The following SMAD4 variants were observed in gnomAD, a reference collection of about 807,000 sequenced individuals.
SMAD4 encodes SMAD family member 4, also known as MAD homolog 4.
A neutral mutation model predicts 63.2 loss-of-function variants in SMAD4; 7 were observed. That is an observed-to-expected ratio of 0.11 (90% CI 0.06 to 0.21). The LOEUF is 0.21. Among genes scored for constraint, SMAD4 ranks in the 10% least tolerant of loss-of-function variants. The probability of loss-of-function intolerance (pLI) is 1.00; values close to 1 mark genes in which losing one functional copy is unlikely to be tolerated. For missense variants in SMAD4, 312 were observed against 693.8 expected, an observed-to-expected ratio of 0.45 and a Z score of 6.18; for synonymous variants, 215 against 235.4, an observed-to-expected ratio of 0.91 and a Z score of 0.79.
In SMAD4 at chr18:51,084,775, G is replaced by A. The variant is rs1342578228; in HGVS notation, c.*6308G>A. The A allele has an allele frequency of 2.6e-5, 6 of 231,552 alleles. No individual in the cohort carries two copies. The highest frequency in any genetic ancestry group is 1.1e-4 in the Admixed American group (2 of 17,726). 14.3% of individuals were successfully genotyped at this position (231,552 alleles called of 1,614,324 possible). A position where few individuals can be genotyped will look rare whatever the true frequency, so the allele number is the denominator to read the frequency against. Reference sequence around the variant, plus strand: ...GCAGAGCCCAGTTTAGAAGAAGTGAGTTGGGGGTTGGGGACAGATTTGGTG... The same window carrying A: ...GCAGAGCCCAGTTTAGAAGAAGTGAATTGGGGGTTGGGGACAGATTTGGTG... On this transcript the variant is annotated 3_prime_UTR_variant, in exon 12 of 12. Transcript: ENST00000342988.
intron 10 of SMAD4, among the ~76,000 whole-genome samples, chr18:51,067,887 C>T (rs1014582639): frequency 2.0e-5 from 3 of 152,132 alleles, no homozygotes; most frequent in African/African-American, 7.2e-5. Context: ...AATTAAGAAC[C>T]TGATAAGCCT....
intron 10 of SMAD4, among the ~76,000 whole-genome samples, chr18:51,076,379 C>T (rs541362923): frequency 2.4e-4 from 36 of 152,228 alleles, no homozygotes; most frequent in Middle Eastern, 3.4e-3. Flanking sequence ...TGACCCACTT[C>T]GAACTAGATA....
chr18:51,038,261 G>T (rs965790518), intron 1 of SMAD4, among the ~76,000 whole-genome samples: 6 of 147,838 alleles, frequency 4.1e-5, no homozygotes, highest in Non-Finnish European at 9.0e-5. Context: ...TGGGGGGGGG[G>T]GCAGTATGAG....
At chr18:51,046,200 G>A (rs564134854) in intron 1 of SMAD4, among the ~76,000 whole-genome samples, 7 of 152,114 alleles carry the variant, frequency 4.6e-5, no homozygotes, top group Non-Finnish European at 1.0e-4. Context: ...GTTTTCCAAA[G>A]TACCTGTGCC....
intron 9 of SMAD4, 27 bp downstream of exon 9, chr18:51,065,633 CT>C (rs1217134474): frequency 6.3e-7 from 1 of 1,597,652 alleles, no homozygotes; most frequent in East Asian, 2.2e-5. Context: ...CAGATAGTTA[CT>C]TTAAAAAATT....
At chr18:51,039,399 C>G (rs972538736) in intron 1 of SMAD4, among the ~76,000 whole-genome samples, 5 of 152,138 alleles carry the variant, frequency 3.3e-5, no homozygotes, top group African/African-American at 1.2e-4. Flanking sequence ...CACCAGGACT[C>G]TTGACTTTGC....
intron 10 of SMAD4, 150 bp from the exon 11 acceptor site, chr18:51,076,488 C>G: frequency 1.5e-6 from 1 of 684,856 alleles, no homozygotes; most frequent in South Asian, 2.0e-5. Context: ...TTAGACCAAT[C>G]ACAATGTACA....
intron 1 of SMAD4, among the ~76,000 whole-genome samples, chr18:51,041,883 G>A (rs776694805): frequency 3.9e-5 from 6 of 152,168 alleles, no homozygotes; most frequent in Non-Finnish European, 8.8e-5. Flanking sequence ...GCATAGACTA[G>A]CCAATCCTGA....
intron 11 of SMAD4, chr18:51,077,243 T>C (rs1409410346): frequency 9.7e-6 from 2 of 206,702 alleles, no homozygotes; most frequent in Non-Finnish European, 1.7e-5. Context: ...GACTTTTTTT[T>C]AATTTTAGGG....
chr18:51,053,260 A>G (rs1484784585), intron 4 of SMAD4: 1 of 144,610 alleles, frequency 6.9e-6, no homozygotes, highest in East Asian at 1.9e-4. Context: ...TCATTATAAC[A>G]ACAAAAAAAA....
rs1555687622 is a variant in SMAD4, at chr18:51,078,468, G to C, written c.*1G>C. The C allele has an allele frequency of 1.2e-6, 2 of 1,611,490 alleles. No homozygotes were observed. The highest frequency in any genetic ancestry group is 1.7e-6 in the Non-Finnish European group (2 of 1,177,888). On this transcript the variant is annotated 3_prime_UTR_variant, in exon 12 of 12. Transcript: ENST00000342988. ...TGCAGACCCACAACCTTTAGACTGA[G>C]GTCTTTTACCGTTGGGGCCCTTAAC... is the stretch of plus-strand genomic sequence containing the variant.
chr18:51,047,334 G>A (rs1599181351), intron 2 of SMAD4, 39 bp downstream of exon 2: 1 of 1,600,086 alleles, frequency 6.2e-7, no homozygotes. Flanking sequence ...CTCTATGGTG[G>A]CAGATTTAAA....
rs781519690 is a variant in SMAD4, at chr18:51,058,446, C to T, written c.894C>T (p.Pro298=). The change falls in exon 7 of 12, where the codon CCC becomes CCT. Residue 298 remains proline, a synonymous_variant. Transcript: ENST00000342988. ...ACCACCCGCCTATGCCGCCCCATCC[C>T]GGACATTACTGTAAGCTCTTGTTTT... ...LQHHPPMPPH[P]GHYWPVHNEL... 9.9e-6 allele frequency: 16 copies of T among 1,611,542 alleles called. No individual in the cohort carries two copies. The highest frequency in any genetic ancestry group is 6.7e-5 in the East Asian group (3 of 44,868).
In SMAD4 at chr18:51,058,326, G is replaced by A. The variant is rs769943457; in HGVS notation, c.788-14G>A. 2 of 1,610,544 alleles carry A rather than the reference G, an allele frequency of 1.2e-6. No homozygotes were observed. Among genetic ancestry groups the A allele is most frequent in the Non-Finnish European group, 1.7e-6 (2 of 1,177,638 alleles). On this transcript the variant is annotated splice_polypyrimidine_tract_variant and intron_variant, in intron 6 of 11. Coordinates refer to ENST00000342988, the MANE Select transcript of SMAD4 (RefSeq NM_005359.6). ...TATAAAAGCAAATTAACCCATGTGG[G>A]CCTTAATTTTTAGACAGCACTACCA...
intron 11 of SMAD4, 87 bp downstream of exon 11, chr18:51,076,863 T>A: frequency 9.4e-7 from 1 of 1,060,842 alleles, no homozygotes; most frequent in Non-Finnish European, 1.3e-6. Flanking sequence ...CTTTGAGCAG[T>A]AATAGAAATT....
intron 4 of SMAD4, among the ~76,000 whole-genome samples, chr18:51,051,748 C>A (rs1414164003): frequency 6.6e-6 from 1 of 152,068 alleles, no homozygotes; most frequent in Non-Finnish European, 1.5e-5. Flanking sequence ...AAGGTGGGCC[C>A]AGTGGTTTCA....
At chr18:51,058,903 A>G (rs977670459) in intron 7 of SMAD4, among the ~76,000 whole-genome samples, 1 of 152,216 alleles carries the variant, frequency 6.6e-6, no homozygotes, top group East Asian at 1.9e-4. Context: ...TACCCTACAG[A>G]TAACATGTAG....
At chr18:51,053,826 AGAACCTACTGT>A (rs1380716817) in intron 4 of SMAD4, 1 of 152,216 alleles carries the variant, frequency 6.6e-6, no homozygotes, top group Non-Finnish European at 1.5e-5. Context: ...CTTTAAGAAG[AGAACCTACTGT>A]TAGTTCAGTG....
intron 9 of SMAD4, among the ~76,000 whole-genome samples, chr18:51,066,002 T>G (rs1910139693): frequency 6.6e-6 from 1 of 152,140 alleles, no homozygotes; most frequent in South Asian, 2.1e-4. Flanking sequence ...GGGAAATGGT[T>G]AAGTAAATTA....
Sources: gnomAD v4.1 joint callset for allele counts (sites outside exome capture counted in the v4.1 genomes callset) on GRCh38, gnomAD v4.1.1 for gene constraint, MANE v1.5 for transcripts, NCBI Gene and HGNC (gene_info 2026-07-23, HGNC 2026-07-21) for gene names.